EIF2AK1: variants seen among roughly 807,000 people sequenced by gnomAD.
EIF2AK1 encodes eukaryotic translation initiation factor 2-alpha kinase 1.
Under a neutral mutation model 77.9 loss-of-function variants are expected in EIF2AK1, and 54 were observed. The observed-to-expected ratio is 0.69, with a 90% CI of 0.56 to 0.87. The LOEUF (loss-of-function observed/expected upper bound fraction) is 0.87, where lower values mean the gene tolerates loss of function less well. EIF2AK1 is among the 40% of genes least tolerant of loss of function. The probability of loss-of-function intolerance (pLI) is 0.00; values close to 1 mark genes in which losing one functional copy is unlikely to be tolerated. For synonymous variants in EIF2AK1, 314 were observed against 290.5 expected (o/e 1.08, Z -0.82); for missense variants, 810 against 768.6 (o/e 1.05, Z -0.64).
intron 11 of EIF2AK1, among the ~76,000 whole-genome samples, chr7:6,030,033 T>C (rs1332440136): frequency 6.6e-6 from 1 of 152,138 alleles, no homozygotes; most frequent in African/African-American, 2.4e-5. Flanking sequence ...AGACGTGATT[T>C]TCTATGTGTG....
chr7:6,052,419 T>C (rs1788632451), intron 2 of EIF2AK1, among the ~76,000 whole-genome samples: 1 of 151,082 alleles, frequency 6.6e-6, no homozygotes, highest in African/African-American at 2.4e-5. Flanking sequence ...GAATGCAGAG[T>C]GTATTATTTG....
chr7:6,035,500 C>T lies in EIF2AK1; in HGVS notation c.1332+1924G>A. On this transcript the variant is annotated intron_variant, in intron 11 of 14. Coordinates refer to ENST00000199389, the MANE Select transcript of EIF2AK1 (RefSeq NM_014413.4). This position sits in a 1 kb window ranked among gnomAD's most constrained non-coding sequence, Gnocchi z 5.5. ...ATGCTACTGCACTGGCCAGTCACTTCCACCACGTGGGCAAAACCAGGCAAC... is the reference window on the plus strand; with the variant it reads ...ATGCTACTGCACTGGCCAGTCACTTTCACCACGTGGGCAAAACCAGGCAAC... 1.3e-6 allele frequency: 2 copies of T among 1,551,122 alleles called. No homozygotes were observed. Among genetic ancestry groups the T allele is most frequent in the Non-Finnish European group, 1.7e-6 (2 of 1,147,098 alleles).
In EIF2AK1 at chr7:6,024,347, G is replaced by T; in HGVS notation, c.*326C>A. 8.2e-7 allele frequency: 1 copy of T among 1,222,740 alleles called. No homozygotes were observed. Among genetic ancestry groups the T allele is most frequent in the Non-Finnish European group, 1.0e-6 (1 of 971,854 alleles). 75.7% of individuals were successfully genotyped at this position (1,222,740 alleles called of 1,614,324 possible). A position where few individuals can be genotyped will look rare whatever the true frequency, so the allele number is the denominator to read the frequency against. On this transcript the variant is annotated 3_prime_UTR_variant, in exon 15 of 15. Coordinates refer to ENST00000199389, the MANE Select transcript of EIF2AK1 (RefSeq NM_014413.4). ...CAGGCCCGGGCTTGGGCAGTGACGAGGGCAGGGAGCACACATCAATTTCTG... is the reference window on the plus strand; with the variant it reads ...CAGGCCCGGGCTTGGGCAGTGACGATGGCAGGGAGCACACATCAATTTCTG...
chr7:6,029,457 C>T (rs1787838082), intron 11 of EIF2AK1, among the ~76,000 whole-genome samples: 1 of 151,748 alleles, frequency 6.6e-6, no homozygotes, highest in South Asian at 2.1e-4. Context: ...TGTGGCATTG[C>T]ACTCCAGCCT....
In EIF2AK1 at chr7:6,054,583, A is replaced by T. The variant is rs146106813; in HGVS notation, c.240T>A (p.His80Gln). Reference protein sequence around the residue: ...VSLLEHLSHVHEPNPLRSRQV... With the variant: ...VSLLEHLSHVQEPNPLRSRQV... ...GTCTTGAACGAAGTGGGTTTGGTTC[A>T]TGCACGTGGCTCAAGTGCTCCAGCA... The change falls in exon 2 of 15, where the codon CAT becomes CAA. Residue 80 changes from histidine to glutamine, a missense_variant. By Grantham distance (24) the His-to-Gln change is conservative. Around this residue, in one of 3 missense-constraint regions of EIF2AK1, gnomAD observed 246 missense variants for 199.0 expected, o/e 1.24. Coordinates refer to ENST00000199389, the MANE Select transcript of EIF2AK1 (RefSeq NM_014413.4). The T allele has an allele frequency of 1.2e-6, 2 of 1,614,174 alleles. No individual in the cohort carries two copies. The highest frequency in any genetic ancestry group is 3.3e-5 in the Admixed American group (2 of 60,000).
In EIF2AK1 at chr7:6,040,879, G is replaced by GA; in HGVS notation, c.1119+12dup. ...TACTGGCCAAATTAGGAGGGTCTGG[G>GA]AAAGTAATCTACCTCTGTCTGACCC... On this transcript the variant is annotated intron_variant, in intron 9 of 14. Transcript: ENST00000199389. 2 of 1,610,134 alleles carry GA rather than the reference G, an allele frequency of 1.2e-6. No individual in the cohort carries two copies. The highest frequency in any genetic ancestry group is 2.7e-5 in the African/African-American group (2 of 74,934).
chr7:6,037,471 C>T lies in EIF2AK1; in HGVS notation c.1285G>A (p.Gly429Ser), dbSNP rs762091212. ...ATKIFQELVE[G>S]VFYIHNMGIV... ...CCCATGTTATGTATGTAAAACACAC[C>T]TTCTACCAATTCTTGAAAAATTTTT... is the stretch of plus-strand genomic sequence containing the variant. Residue 429 changes from glycine to serine, a missense_variant, in exon 11 of 15, where the codon GGT becomes AGT. By Grantham distance (56) the Gly-to-Ser change is moderately conservative. Coordinates refer to ENST00000199389, the MANE Select transcript of EIF2AK1 (RefSeq NM_014413.4). 6.2e-7 allele frequency: 1 copy of T among 1,613,200 alleles called. No individual in the cohort carries two copies. The highest frequency in any genetic ancestry group is 8.5e-7 in the Non-Finnish European group (1 of 1,179,614).
Position 6,024,428 on chromosome 7 carries a change from T to A in EIF2AK1, c.*245A>T, listed in dbSNP as rs1435456111. The A allele has an allele frequency of 7.4e-7, 1 of 1,359,196 alleles. No homozygotes were observed. Among genetic ancestry groups the A allele is most frequent in the Non-Finnish European group, 9.5e-7 (1 of 1,057,170 alleles). 84.2% of individuals were successfully genotyped at this position (1,359,196 alleles called of 1,614,324 possible). ...GGTCAACAGAGTTGAAAGGAGAAAATAATTGAGGATGAGGTCCAAGTTTTT... is the reference window on the plus strand; with the variant it reads ...GGTCAACAGAGTTGAAAGGAGAAAAAAATTGAGGATGAGGTCCAAGTTTTT... On this transcript the variant is annotated 3_prime_UTR_variant, in exon 15 of 15. Coordinates refer to ENST00000199389, the MANE Select transcript of EIF2AK1 (RefSeq NM_014413.4).
intron 6 of EIF2AK1, among the ~76,000 whole-genome samples, chr7:6,044,916 T>C (rs150450433): frequency 2.0e-5 from 3 of 152,306 alleles, no homozygotes; most frequent in African/African-American, 7.2e-5. Flanking sequence ...ATGTAAGTGT[T>C]CGAAGCACAT....
chr7:6,044,733 C>T, intron 6 of EIF2AK1, 72 bp from the exon 7 acceptor site: 1 of 1,336,318 alleles, frequency 7.5e-7, no homozygotes. Flanking sequence ...ACTTCTTGTT[C>T]CAGAGCAAAA....
intron 7 of EIF2AK1, among the ~76,000 whole-genome samples, chr7:6,043,204 A>G (rs1399572127): frequency 6.6e-6 from 1 of 152,196 alleles, no homozygotes; most frequent in African/African-American, 2.4e-5. Context: ...GTCAGCAAAC[A>G]GCACAGAGGA....
chr7:6,038,458 A>T, intron 10 of EIF2AK1, 102 bp downstream of exon 10: 1 of 747,430 alleles, frequency 1.3e-6, no homozygotes, highest in Non-Finnish European at 2.1e-6. Flanking sequence ...AAATAAATAA[A>T]AAATAAAAAT....
chr7:6,039,432 C>A (rs1306482122), intron 9 of EIF2AK1, among the ~76,000 whole-genome samples: 1 of 151,400 alleles, frequency 6.6e-6, no homozygotes, highest in Non-Finnish European at 1.5e-5. Flanking sequence ...CCAGCCTGAA[C>A]AACATGATGA....
rs192073734 is a variant in EIF2AK1, at chr7:6,033,139, T to C, written c.1333-4107A>G. On this transcript the variant is annotated intron_variant, in intron 11 of 14. Transcript: ENST00000199389. This position sits in a 1 kb window ranked among gnomAD's most constrained non-coding sequence, Gnocchi z 4.4. The stretch of plus-strand genomic sequence containing the variant: ...GTGCGTCACCATGCCCAGCTAACAT[T>C]TGTATTTTTAGTAGAGACAGGGTTT... Among the ~76,000 whole-genome samples, 50 of 152,180 alleles carry C rather than the reference T, an allele frequency of 3.3e-4. No individual in the cohort carries two copies. In the South Asian group the frequency reaches 8.7e-3, roughly 27 times the overall value.
chr7:6,056,292 CAAAA>C (rs71008352), intron 1 of EIF2AK1, among the ~76,000 whole-genome samples: 1 of 55,786 alleles, frequency 1.8e-5, no homozygotes, highest in African/African-American at 7.9e-5. Context: ...GACTCAGTCT[CAAAA>C]AAAAAAAAAA....
intron 14 of EIF2AK1, 147 bp from the exon 15 acceptor site, chr7:6,024,948 C>T (rs1182789969): frequency 2.7e-5 from 14 of 527,900 alleles, no homozygotes; most frequent in South Asian, 1.5e-4. Flanking sequence ...AAGCTATTCT[C>T]GTGCCTCAGC....
At chr7:6,047,346 G>T in intron 4 of EIF2AK1, 1 of 540,478 alleles carries the variant, frequency 1.9e-6, no homozygotes. Context: ...ATCACTAACA[G>T]CCAGCAGTTG....
chr7:6,042,604 C>T (rs1334002173), intron 8 of EIF2AK1, among the ~76,000 whole-genome samples: 2 of 152,092 alleles, frequency 1.3e-5, no homozygotes, highest in African/African-American at 2.4e-5. Context: ...CAGTGGCTCA[C>T]GCCTGTAATC....
rs71008353 is a variant in EIF2AK1 at position 6,056,613 on chromosome 7, A to AATATATATATATATATAT, written c.119-1927_119-1910dup. 4.1e-3 allele frequency among the ~76,000 whole-genome samples: 178 copies of AATATATATATATATATAT among 43,672 alleles called. 5 individuals are homozygous for AATATATATATATATATAT. The Middle Eastern group carries it at 0.059, about 14-fold the overall frequency. The allele number at this position is 43,672 out of a possible 152,430, so 28.7% of individuals were successfully genotyped here. On this transcript the variant is annotated intron_variant, in intron 1 of 14. Transcript: ENST00000199389. Reference sequence around the variant, plus strand: ...CATCTCAAGGGAAAAAAAAAAAAAAAATATATATATATATATATATATAAA... The same window carrying AATATATATATATATATAT: ...CATCTCAAGGGAAAAAAAAAAAAAAAATATATATATATATATATATATATATATATATATATATATAAA...
Sources: allele counts gnomAD v4.1 joint callset (sites outside exome capture counted in the v4.1 genomes callset), GRCh38; gene constraint gnomAD v4.1.1; regional missense constraint gnomAD v4.1.1; non-coding constraint Gnocchi (gnomAD v3.1); transcripts MANE v1.5; gene names NCBI Gene and HGNC (gene_info 2026-07-23, HGNC 2026-07-21).